The following PTPRM variants were observed in gnomAD, a reference collection of about 807,000 sequenced individuals.
The protein encoded by PTPRM is receptor-type tyrosine-protein phosphatase mu.
A neutral mutation model predicts 186.7 loss-of-function variants in PTPRM; 47 were observed. The ratio of observed to expected loss-of-function variants is 0.25; its 90% confidence interval spans 0.20 to 0.32. The LOEUF is 0.32. Ranked by LOEUF, PTPRM falls within the 10% of genes least tolerant of loss-of-function variation. The pLI, the probability that PTPRM is intolerant of heterozygous loss-of-function variation, is 1.00. For synonymous variants in PTPRM, 668 were observed against 674.9 expected, an observed-to-expected ratio of 0.99 and a Z score of 0.16; for missense variants, 1,494 against 1,865.0, an observed-to-expected ratio of 0.80 and a Z score of 3.66.
intron 24 of PTPRM, among the ~76,000 whole-genome samples, chr18:8,372,053 A>ATTTTTTTTTTTTTT (rs2095665582): frequency 1.5e-5 from 1 of 68,514 alleles, no homozygotes. Context: ...TCCACTCTAT[A>ATTTTTTTTTTTTTT]TTCTTTTTTT....
intron 14 of PTPRM, among the ~76,000 whole-genome samples, chr18:8,190,584 T>G (rs1320779313): frequency 6.6e-6 from 1 of 152,230 alleles, no homozygotes; most frequent in Non-Finnish European, 1.5e-5. Context: ...GTGACTAAAT[T>G]AATTTTATTT....
At chr18:8,076,402 T>A (rs1170148480) in intron 8 of PTPRM, 53 bp from the exon 9 acceptor site, 1 of 1,085,948 alleles carries the variant, frequency 9.2e-7, no homozygotes, top group African/African-American at 1.6e-5. Context: ...TAGAAAAATC[T>A]ACTTTTTAAT....
intron 11 of PTPRM, among the ~76,000 whole-genome samples, chr18:8,095,995 A>G (rs545026523): frequency 6.6e-6 from 1 of 152,230 alleles, no homozygotes; most frequent in African/African-American, 2.4e-5. Flanking sequence ...AACCTTCTGG[A>G]TCTTTCTTTT....
chr18:8,159,975 A>C (rs2093198561), intron 14 of PTPRM, among the ~76,000 whole-genome samples: 1 of 152,094 alleles, frequency 6.6e-6, no homozygotes, highest in African/African-American at 2.4e-5. Flanking sequence ...TGAATTTGTT[A>C]AAGTTTGAAT....
chr18:8,012,419 A>G (rs1168415724), intron 7 of PTPRM, among the ~76,000 whole-genome samples: 1 of 152,206 alleles, frequency 6.6e-6, no homozygotes, highest in Non-Finnish European at 1.5e-5. Context: ...TCAGCCTTCT[A>G]ATTACAATCA....
Position 7,811,762 on chromosome 18 carries a change from T to A in PTPRM, c.196+37491T>A, listed in dbSNP as rs1232992251. 2.0e-5 allele frequency among the ~76,000 whole-genome samples: 3 copies of A among 152,114 alleles called. No homozygotes were observed. In the East Asian group the frequency reaches 5.8e-4, roughly 29 times the overall value. On this transcript the variant is annotated intron_variant, in intron 2 of 32. Transcript: ENST00000580170. ...CATGGGGCTGGGTTCTCTGTGGCAC[T>A]GTTATATAAGTCAAGCAGATCCCTT...
chr18:7,847,760 G>A (rs977476372), intron 2 of PTPRM, among the ~76,000 whole-genome samples: 1 of 152,154 alleles, frequency 6.6e-6, no homozygotes, highest in Non-Finnish European at 1.5e-5. Context: ...TATAGAGAGG[G>A]TCACCCATCC....
At chr18:7,574,029 C>T (rs2036626225) in intron 1 of PTPRM, among the ~76,000 whole-genome samples, 1 of 152,178 alleles carries the variant, frequency 6.6e-6, no homozygotes, top group African/African-American at 2.4e-5. Flanking sequence ...AGAACAAGCC[C>T]CCCATGGGAT....
intron 32 of PTPRM, among the ~76,000 whole-genome samples, chr18:8,400,914 T>C (rs952769914): frequency 2.0e-5 from 3 of 151,858 alleles, no homozygotes; most frequent in Non-Finnish European, 2.9e-5. Context: ...AGTGCAGGAG[T>C]TGGGTGGGAA....
At chr18:8,302,267 C>G (rs2095166882) in intron 20 of PTPRM, among the ~76,000 whole-genome samples, 2 of 152,074 alleles carry the variant, frequency 1.3e-5, no homozygotes, top group Non-Finnish European at 2.9e-5. Context: ...GGGGACGGAG[C>G]AGGGAGGATG....
intron 23 of PTPRM, among the ~76,000 whole-genome samples, chr18:8,369,811 A>G (rs1169696214): frequency 6.6e-6 from 1 of 152,160 alleles, no homozygotes; most frequent in Non-Finnish European, 1.5e-5. Flanking sequence ...TTAGCTGGGC[A>G]TGGTGACATG....
At chr18:7,691,077 T>G (rs2039721792) in intron 1 of PTPRM, among the ~76,000 whole-genome samples, 1 of 152,170 alleles carries the variant, frequency 6.6e-6, no homozygotes, top group Admixed American at 6.6e-5. Context: ...GACTAAGTAA[T>G]TTTTAAAAGA....
At chr18:8,196,982 G>T (rs1443021655) in intron 14 of PTPRM, among the ~76,000 whole-genome samples, 2 of 152,184 alleles carry the variant, frequency 1.3e-5, no homozygotes, top group African/African-American at 4.8e-5. Context: ...CTGTGTCTGG[G>T]TAGCCAATTG....
chr18:8,021,965 G>A (rs982478535), intron 7 of PTPRM, among the ~76,000 whole-genome samples: 10 of 152,246 alleles, frequency 6.6e-5, no homozygotes, highest in Admixed American at 6.5e-4. Context: ...AGTTTTATGA[G>A]CACATACATT....
At chr18:7,835,115 G>T in intron 2 of PTPRM, among the ~76,000 whole-genome samples, 2 of 138,512 alleles carry the variant, frequency 1.4e-5, no homozygotes, top group African/African-American at 2.7e-5. Context: ...TTTCTTCTCT[G>T]ATTTTTGTTA....
chr18:8,085,914 A>G, intron 10 of PTPRM, 42 bp downstream of exon 10: 1 of 1,575,840 alleles, frequency 6.3e-7, no homozygotes, highest in Non-Finnish European at 8.7e-7. Context: ...CAGAAGTAAC[A>G]TTTTTGTCCG....
At chr18:7,807,072 C>T (rs557223389) in intron 2 of PTPRM, among the ~76,000 whole-genome samples, 143 of 152,262 alleles carry the variant, frequency 9.4e-4, no homozygotes, top group African/African-American at 2.7e-3. Context: ...CAGTGGTGCT[C>T]ATCATGAAAT....
chr18:7,752,967 G>A (rs977273325), intron 1 of PTPRM, among the ~76,000 whole-genome samples: 4 of 152,028 alleles, frequency 2.6e-5, no homozygotes, highest in African/African-American at 9.7e-5. Context: ...AAAATAAAAA[G>A]TTATTTAGGA....
chr18:8,015,869 C>T (rs949071757), intron 7 of PTPRM, among the ~76,000 whole-genome samples: 3 of 152,134 alleles, frequency 2.0e-5, no homozygotes, highest in Admixed American at 6.5e-5. Flanking sequence ...GGAAAAATTG[C>T]ATTTATCTGA....
Sources: gnomAD v4.1 joint callset for allele counts (sites outside exome capture counted in the v4.1 genomes callset) on GRCh38, gnomAD v4.1.1 for gene constraint, MANE v1.5 for transcripts, NCBI Gene and HGNC (gene_info 2026-07-23, HGNC 2026-07-21) for gene names.